SH3PXD2A: variants seen among roughly 807,000 people sequenced by gnomAD.
SH3PXD2A encodes SH3 and PX domains 2A.
Under a neutral mutation model 115.2 loss-of-function variants are expected in SH3PXD2A, and 32 were observed. That is an observed-to-expected ratio of 0.28 (90% CI 0.21 to 0.37). The LOEUF (loss-of-function observed/expected upper bound fraction) is 0.37, where lower values mean the gene tolerates loss of function less well. Ranked by LOEUF, SH3PXD2A falls within the 10% of genes least tolerant of loss-of-function variation. The pLI is 1.00. For missense variants in SH3PXD2A, 1,328 were observed against 1,498.7 expected, an observed-to-expected ratio of 0.89 and a Z score of 1.88; for synonymous variants, 610 against 629.1, an observed-to-expected ratio of 0.97 and a Z score of 0.45.
At chr10:103,721,246 A>T (rs542705276) in intron 5 of SH3PXD2A, among the ~76,000 whole-genome samples, 2 of 152,276 alleles carry the variant, frequency 1.3e-5, no homozygotes, top group South Asian at 4.1e-4. Context: ...AACCCTCTTG[A>T]CCAGCTCGTG....
chr10:103,846,984 G>T lies in SH3PXD2A; in HGVS notation c.72+8211C>A, dbSNP rs1386936923. 5.9e-5 allele frequency among the ~76,000 whole-genome samples: 9 copies of T among 152,272 alleles called. No homozygotes were observed. In the East Asian group the frequency reaches 1.7e-3, roughly 29 times the overall value. ...CTGGTGGGAGCTACATGCTGCGTGG[G>T]GCTGTTCTGAGAACATCCATATGAG... On this transcript the variant is annotated intron_variant, in intron 1 of 14. Transcript: ENST00000369774.
intron 5 of SH3PXD2A, among the ~76,000 whole-genome samples, chr10:103,713,718 C>A (rs976173311): frequency 1.3e-5 from 2 of 152,230 alleles, no homozygotes; most frequent in African/African-American, 4.8e-5. Context: ...TTTCTGTCTT[C>A]CCCATTATCA....
chr10:103,706,398 C>G (rs768757051), intron 5 of SH3PXD2A, among the ~76,000 whole-genome samples: 1 of 152,186 alleles, frequency 6.6e-6, no homozygotes, highest in African/African-American at 2.4e-5. Flanking sequence ...GCAGTGATGC[C>G]GGACCAATGC....
intron 1 of SH3PXD2A, among the ~76,000 whole-genome samples, chr10:103,822,909 TC>T (rs1311004519): frequency 5.9e-5 from 9 of 152,254 alleles, no homozygotes; most frequent in Non-Finnish European, 1.3e-4. Flanking sequence ...AGATGTTATT[TC>T]TTTTCTATCT....
chr10:103,735,700 A>T, intron 4 of SH3PXD2A, 32 bp downstream of exon 4: 2 of 972,640 alleles, frequency 2.1e-6, no homozygotes, highest in Non-Finnish European at 3.2e-6. Flanking sequence ...GCCCTCCCCG[A>T]GCCCCTCCCC....
chr10:103,731,056 G>A (rs991174484), intron 4 of SH3PXD2A, among the ~76,000 whole-genome samples: 1 of 152,074 alleles, frequency 6.6e-6, no homozygotes, highest in Non-Finnish European at 1.5e-5. Context: ...GACAGAGGCA[G>A]GAGCTGAGGC....
Position 103,779,217 on chromosome 10 carries a change from T to C in SH3PXD2A, c.154-12048A>G, listed in dbSNP as rs577242036. On this transcript the variant is annotated intron_variant, in intron 2 of 14. Coordinates refer to ENST00000369774, the MANE Select transcript of SH3PXD2A (RefSeq NM_001394015.1). ...CCGAGTGGCTGGGATTACAGGCACCTGCCACCACGCCCAGCTAATTTTGGT... is the reference window on the plus strand; with the variant it reads ...CCGAGTGGCTGGGATTACAGGCACCCGCCACCACGCCCAGCTAATTTTGGT... Among the ~76,000 whole-genome samples, 330 of 152,294 alleles carry C rather than the reference T, an allele frequency of 2.2e-3. 4 individuals are homozygous for C. Among genetic ancestry groups the C allele is most frequent in the African/African-American group, 7.4e-3 (308 of 41,550 alleles).
At chr10:103,733,280 AG>A (rs1350735907) in intron 4 of SH3PXD2A, among the ~76,000 whole-genome samples, 1 of 152,154 alleles carries the variant, frequency 6.6e-6, no homozygotes, top group Non-Finnish European at 1.5e-5. Flanking sequence ...TCCTGTTCAA[AG>A]CCTGATCCCA....
intron 13 of SH3PXD2A, among the ~76,000 whole-genome samples, chr10:103,611,203 C>G (rs2036422298): frequency 6.6e-6 from 1 of 152,248 alleles, no homozygotes; most frequent in African/African-American, 2.4e-5. Flanking sequence ...ACTGGGCATT[C>G]CTGACCAGGG....
chr10:103,608,447 A>AG lies in SH3PXD2A; in HGVS notation c.1309-2531_1309-2530insC, dbSNP rs1554903140. On this transcript the variant is annotated intron_variant, in intron 13 of 14. Transcript: ENST00000369774. ...CATGTCAAGAAAAAAAAAAAAAAAA[A>AG]AAAGAAAAATTGTGTTGGGATTTAA... Among the ~76,000 whole-genome samples, 1,084 of 150,204 alleles carry AG rather than the reference A, an allele frequency of 7.2e-3. 13 individuals are homozygous for AG. The highest frequency in any genetic ancestry group is 0.026 in the African/African-American group (1,041 of 40,666).
At chr10:103,652,271 C>T (rs1307027501) in intron 8 of SH3PXD2A, among the ~76,000 whole-genome samples, 1 of 152,218 alleles carries the variant, frequency 6.6e-6, no homozygotes, top group Non-Finnish European at 1.5e-5. Context: ...AAGCTTCCGT[C>T]AGTTTCCTGG....
intron 8 of SH3PXD2A, among the ~76,000 whole-genome samples, chr10:103,657,700 C>T (rs1370097160): frequency 6.6e-6 from 1 of 152,230 alleles, no homozygotes; most frequent in African/African-American, 2.4e-5. Context: ...GGTTTGTCCT[C>T]AGTCCTAGGT....
chr10:103,611,934 A>G (rs1345646083), intron 12 of SH3PXD2A, among the ~76,000 whole-genome samples: 6 of 152,234 alleles, frequency 3.9e-5, no homozygotes, highest in Admixed American at 2.6e-4. Flanking sequence ...TAGATTTATC[A>G]GGTTTTCAAA....
intron 1 of SH3PXD2A, among the ~76,000 whole-genome samples, chr10:103,805,095 G>A (rs2039188301): frequency 6.6e-6 from 1 of 152,230 alleles, no homozygotes; most frequent in Admixed American, 6.5e-5. Flanking sequence ...AACCAACCAA[G>A]CGGAGCCCAG....
intron 6 of SH3PXD2A, among the ~76,000 whole-genome samples, chr10:103,682,786 G>A (rs1028253152): frequency 6.6e-6 from 1 of 151,240 alleles, no homozygotes; most frequent in Non-Finnish European, 1.5e-5. Context: ...CAAACCACGA[G>A]CCTGGGTAAG....
intron 13 of SH3PXD2A, among the ~76,000 whole-genome samples, chr10:103,606,153 T>C (rs2036296958): frequency 6.7e-6 from 1 of 150,278 alleles, no homozygotes; most frequent in Non-Finnish European, 1.5e-5. Context: ...GTCTGAGCTA[T>C]CAAAATTCTC....
At chr10:103,650,180 GC>G (rs2037098405) in intron 8 of SH3PXD2A, among the ~76,000 whole-genome samples, 3 of 49,688 alleles carry the variant, frequency 6.0e-5, no homozygotes, top group Admixed American at 3.9e-4. Context: ...CTCAGCAGCG[GC>G]AGCAGCTCAG....
intron 8 of SH3PXD2A, among the ~76,000 whole-genome samples, chr10:103,645,054 T>C (rs1186668308): frequency 6.6e-6 from 1 of 152,190 alleles, no homozygotes; most frequent in Non-Finnish European, 1.5e-5. Context: ...ACTAACTTTG[T>C]GATGTTCCCC....
chr10:103,772,767 C>G (rs1564885561), intron 2 of SH3PXD2A, among the ~76,000 whole-genome samples: 1 of 152,160 alleles, frequency 6.6e-6, no homozygotes, highest in Admixed American at 6.5e-5. Context: ...CCCAAGAGGC[C>G]GGCTCCTCGC....
Sources: allele counts gnomAD v4.1 joint callset (sites outside exome capture counted in the v4.1 genomes callset), GRCh38; gene constraint gnomAD v4.1.1; transcripts MANE v1.5; gene names NCBI Gene and HGNC (gene_info 2026-07-23, HGNC 2026-07-21).